DLGAP2: variants seen among roughly 807,000 people sequenced by gnomAD.
DLGAP2 encodes the protein disks large-associated protein 2.
Under a neutral mutation model 100.3 loss-of-function variants are expected in DLGAP2, and 26 were observed. The ratio of observed to expected loss-of-function variants is 0.26; its 90% CI spans 0.19 to 0.36. The LOEUF is 0.36. DLGAP2 is among the 10% of genes least tolerant of loss of function. The pLI is 1.00. For synonymous variants in DLGAP2, 886 were observed against 630.1 expected (o/e 1.41, Z -6.08); for missense variants, 1,858 against 1,453.2 (o/e 1.28, Z -4.53).
At chr8:1,231,955 A>G (rs1798544975) in intron 2 of DLGAP2, among the ~76,000 whole-genome samples, 1 of 152,234 alleles carries the variant, frequency 6.6e-6, no homozygotes, top group African/African-American at 2.4e-5. Flanking sequence ...ATGTAAAATC[A>G]AAGTTGAAAA....
rs576179088 is a variant in DLGAP2, at chr8:999,485, T to C, written c.73+91519T>C. On this transcript the variant is annotated intron_variant, in intron 2 of 14. Transcript: ENST00000637795. ...GTCTTGTGGTGGTGGTTTTTCTTTT[T>C]TTTTTTTTTTCCCGATGGAGTGTCG... 9.0e-4 allele frequency among the ~76,000 whole-genome samples: 137 copies of C among 151,736 alleles called. 1 individual carries two copies. Among genetic ancestry groups the C allele is most frequent in the African/African-American group, 3.3e-3 (135 of 41,410 alleles).
chr8:782,794 G>C (rs1266213643), intron 1 of DLGAP2, among the ~76,000 whole-genome samples: 1 of 152,146 alleles, frequency 6.6e-6, no homozygotes, highest in Non-Finnish European at 1.5e-5. Context: ...AGAATGCCTT[G>C]AAAAGCAGAA....
At chr8:755,780 C>G (rs1585828548) in intron 1 of DLGAP2, among the ~76,000 whole-genome samples, 1 of 152,180 alleles carries the variant, frequency 6.6e-6, no homozygotes, top group Non-Finnish European at 1.5e-5. Context: ...GGTGATGCCC[C>G]CAGGTGTGCT....
chr8:1,701,418 G>A lies in DLGAP2; in HGVS notation c.*12G>A. 2 of 1,572,268 alleles carry A rather than the reference G, an allele frequency of 1.3e-6. No individual in the cohort carries two copies. Among genetic ancestry groups the A allele is most frequent in the Non-Finnish European group, 1.7e-6 (2 of 1,160,296 alleles). ...AGACCCGGCTCTGAGGGCGGAGGCCGGCGCCTTCCCCTCGTCGCTTCCGCT... is the reference window on the plus strand; with the variant it reads ...AGACCCGGCTCTGAGGGCGGAGGCCAGCGCCTTCCCCTCGTCGCTTCCGCT... On this transcript the variant is annotated 3_prime_UTR_variant, in exon 15 of 15. Transcript: ENST00000637795.
At chr8:1,455,332 T>G (rs756490395) in intron 3 of DLGAP2, among the ~76,000 whole-genome samples, 33 of 152,202 alleles carry the variant, frequency 2.2e-4, no homozygotes, top group Non-Finnish European at 4.4e-4. Flanking sequence ...CAGGTGGGGT[T>G]TCCCGATGGT....
chr8:1,158,382 G>C (rs1319906171), intron 2 of DLGAP2, among the ~76,000 whole-genome samples: 1 of 152,214 alleles, frequency 6.6e-6, no homozygotes, highest in African/African-American at 2.4e-5. Context: ...TCAGTAGACA[G>C]TGTGTGTGAA....
chr8:1,175,627 G>T (rs1191149193), intron 2 of DLGAP2, among the ~76,000 whole-genome samples: 1 of 152,112 alleles, frequency 6.6e-6, no homozygotes, highest in African/African-American at 2.4e-5. Flanking sequence ...AAATTTGGAG[G>T]GTGTTGGAAT....
intron 2 of DLGAP2, among the ~76,000 whole-genome samples, chr8:1,107,006 A>T (rs1284265863): frequency 1.3e-5 from 2 of 152,090 alleles, no homozygotes; most frequent in African/African-American, 4.8e-5. Context: ...AGTCTATTAA[A>T]CCGCACCTGT....
intron 3 of DLGAP2, among the ~76,000 whole-genome samples, chr8:1,424,287 C>T (rs1427182485): frequency 1.3e-5 from 2 of 152,202 alleles, no homozygotes; most frequent in Admixed American, 1.3e-4. Context: ...TCTAACTCTT[C>T]AATCTAAAGA....
At chr8:919,084 G>A (rs1269986600) in intron 2 of DLGAP2, among the ~76,000 whole-genome samples, 1 of 152,182 alleles carries the variant, frequency 6.6e-6, no homozygotes, top group Non-Finnish European at 1.5e-5. Flanking sequence ...TGGATTATAA[G>A]CATCAGCTAC....
chr8:1,343,147 G>A (rs1563094405), intron 3 of DLGAP2, among the ~76,000 whole-genome samples: 1 of 152,212 alleles, frequency 6.6e-6, no homozygotes, highest in Non-Finnish European at 1.5e-5. Flanking sequence ...AAGACCACCT[G>A]GAGGCTCAGG....
intron 6 of DLGAP2, among the ~76,000 whole-genome samples, chr8:1,626,115 G>C (rs1269130845): frequency 1.4e-5 from 2 of 145,276 alleles, no homozygotes; most frequent in Admixed American, 6.8e-5. Flanking sequence ...TTGGACGGCT[G>C]TTCCCACCTC....
chr8:1,182,275 G>A (rs899001496), intron 2 of DLGAP2, among the ~76,000 whole-genome samples: 2 of 152,248 alleles, frequency 1.3e-5, no homozygotes, highest in African/African-American at 4.8e-5. Context: ...GACAAATGGA[G>A]AAAAGGGCAA....
chr8:1,389,478 A>G (rs887602489), intron 3 of DLGAP2, among the ~76,000 whole-genome samples: 2 of 152,104 alleles, frequency 1.3e-5, no homozygotes, highest in Non-Finnish European at 2.9e-5. Context: ...AGAAGTGTCG[A>G]TGAGGGACCC....
intron 3 of DLGAP2, among the ~76,000 whole-genome samples, chr8:1,471,994 G>T (rs138030013): frequency 3.9e-5 from 6 of 152,326 alleles, no homozygotes; most frequent in Non-Finnish European, 7.3e-5. Flanking sequence ...TGTATTTAGC[G>T]GTGGTCTCTG....
chr8:1,653,008 A>G (rs1798202234), intron 8 of DLGAP2, among the ~76,000 whole-genome samples: 3 of 152,320 alleles, frequency 2.0e-5, no homozygotes, highest in African/African-American at 7.2e-5. Flanking sequence ...GAGGACTGTC[A>G]TGGGCCTTTC....
At chr8:1,647,229 C>A (rs773205144) in intron 8 of DLGAP2, among the ~76,000 whole-genome samples, 1 of 152,138 alleles carries the variant, frequency 6.6e-6, no homozygotes, top group African/African-American at 2.4e-5. Flanking sequence ...GGAACCCTAG[C>A]GTAAGGTATT....
chr8:1,170,433 G>T (rs1440034466), intron 2 of DLGAP2, among the ~76,000 whole-genome samples: 1 of 152,136 alleles, frequency 6.6e-6, no homozygotes. Flanking sequence ...TTTTTCTGTT[G>T]ATTGGAATAG....
chr8:745,875 G>T (rs997205593), intron 1 of DLGAP2, among the ~76,000 whole-genome samples: 1 of 152,182 alleles, frequency 6.6e-6, no homozygotes, highest in Non-Finnish European at 1.5e-5. Flanking sequence ...ATAAAGACCA[G>T]ACTGGAAGGA....
Sources: allele counts gnomAD v4.1 joint callset (sites outside exome capture counted in the v4.1 genomes callset), GRCh38; gene constraint gnomAD v4.1.1; transcripts MANE v1.5; gene names NCBI Gene and HGNC (gene_info 2026-07-23, HGNC 2026-07-21).